Variants in TBC1D5 observed in about 807,000 individuals in gnomAD.
TBC1D5 encodes TBC1 domain family, member 5.
A neutral mutation model predicts 100.3 loss-of-function variants in TBC1D5; 75 were observed. That is an observed-to-expected ratio of 0.75 (90% CI 0.62 to 0.91). The LOEUF is 0.91. Among genes scored for constraint, TBC1D5 ranks in the 40% least tolerant of loss-of-function variants. TBC1D5 has a pLI of 0.00. For missense variants in TBC1D5, 910 were observed against 942.4 expected, an observed-to-expected ratio of 0.97 and a Z score of 0.45; for synonymous variants, 323 against 325.6, an observed-to-expected ratio of 0.99 and a Z score of 0.09.
intron 1 of TBC1D5, among the ~76,000 whole-genome samples, chr3:17,653,271 A>T (rs992576690): frequency 2.0e-5 from 3 of 152,116 alleles, no homozygotes; most frequent in Non-Finnish European, 2.9e-5. Flanking sequence ...ACTTGATTTT[A>T]TGTTATATGA....
At chr3:17,591,815 C>T (rs1328271661) in intron 2 of TBC1D5, among the ~76,000 whole-genome samples, 1 of 152,118 alleles carries the variant, frequency 6.6e-6, no homozygotes, top group Non-Finnish European at 1.5e-5. Flanking sequence ...AAATAGTAAA[C>T]AAAAATAATA....
chr3:17,270,119 G>C (rs971129465), intron 15 of TBC1D5, among the ~76,000 whole-genome samples: 18 of 152,060 alleles, frequency 1.2e-4, no homozygotes, highest in Non-Finnish European at 2.1e-4. Context: ...TCAACAATGT[G>C]TAAGAGTTCC....
At chr3:17,429,635 A>G (rs1465570281) in intron 3 of TBC1D5, among the ~76,000 whole-genome samples, 2 of 151,966 alleles carry the variant, frequency 1.3e-5, no homozygotes, top group Non-Finnish European at 2.9e-5. Context: ...CTTTCACTTT[A>G]AAGATGAGAT....
intron 18 of TBC1D5, among the ~76,000 whole-genome samples, chr3:17,213,243 T>C (rs184793598): frequency 1.3e-5 from 2 of 152,338 alleles, no homozygotes; most frequent in African/African-American, 4.8e-5. Flanking sequence ...ACAGCTTAGA[T>C]GTGTAGTAGG....
chr3:17,380,039 C>CTGTGTGTGTGTGTGTG (rs1442340088), intron 9 of TBC1D5, among the ~76,000 whole-genome samples: 4 of 100,132 alleles, frequency 4.0e-5, no homozygotes, highest in South Asian at 4.3e-4. Context: ...ACAGCTGTGA[C>CTGTGTGTGTGTGTGTG]TGTGTATGTG....
At chr3:17,591,272 A>AAAAAC (rs2096769889) in intron 2 of TBC1D5, among the ~76,000 whole-genome samples, 4 of 143,830 alleles carry the variant, frequency 2.8e-5, no homozygotes, top group East Asian at 2.0e-4. Context: ...AAAAACAAAA[A>AAAAAC]CCCCAGAGAA....
At chr3:17,620,917 T>A (rs1378878732) in intron 2 of TBC1D5, among the ~76,000 whole-genome samples, 1 of 152,202 alleles carries the variant, frequency 6.6e-6, no homozygotes, top group Non-Finnish European at 1.5e-5. Flanking sequence ...AGTATTTGGT[T>A]ACATACCCAC....
chr3:17,407,003 T>G (rs769595379), intron 4 of TBC1D5, among the ~76,000 whole-genome samples: 15 of 152,164 alleles, frequency 9.9e-5, no homozygotes, highest in Non-Finnish European at 2.1e-4. Flanking sequence ...CTACTTTAAC[T>G]GTTAGTGCTG....
At chr3:17,323,262 C>A (rs1282386565) in intron 13 of TBC1D5, among the ~76,000 whole-genome samples, 2 of 152,190 alleles carry the variant, frequency 1.3e-5, no homozygotes, top group Non-Finnish European at 2.9e-5. Flanking sequence ...AGACTCATAT[C>A]GTGAGGCCAG....
intron 1 of TBC1D5, among the ~76,000 whole-genome samples, chr3:17,693,371 T>C (rs2071465334): frequency 6.6e-6 from 1 of 152,030 alleles, no homozygotes; most frequent in South Asian, 2.1e-4. Flanking sequence ...AACGTAACAC[T>C]CCCACCCAAA....
At chr3:17,221,200 G>A (rs539875093) in intron 17 of TBC1D5, among the ~76,000 whole-genome samples, 217 of 114,272 alleles carry the variant, frequency 1.9e-3, no homozygotes, top group African/African-American at 8.5e-3. Context: ...CTTTGCAGGT[G>A]TGATAAGGTT....
intron 13 of TBC1D5, among the ~76,000 whole-genome samples, chr3:17,368,495 G>T (rs2092293912): frequency 6.6e-6 from 1 of 151,822 alleles, no homozygotes; most frequent in Non-Finnish European, 1.5e-5. Flanking sequence ...TAAAAATTTT[G>T]ACTAAAAGTA....
At chr3:17,666,592 A>G (rs2067278391) in intron 1 of TBC1D5, among the ~76,000 whole-genome samples, 5 of 152,164 alleles carry the variant, frequency 3.3e-5, no homozygotes, top group Admixed American at 3.3e-4. Context: ...AGACTTGAAA[A>G]GTCTGAACAT....
At chr3:17,399,007 G>C (rs1399402150) in intron 8 of TBC1D5, among the ~76,000 whole-genome samples, 1 of 152,104 alleles carries the variant, frequency 6.6e-6, no homozygotes, top group Non-Finnish European at 1.5e-5. Flanking sequence ...ATGAACTCAG[G>C]CCTTGAATGG....
chr3:17,499,098 C>T (rs1254925233), intron 3 of TBC1D5, among the ~76,000 whole-genome samples: 3 of 152,136 alleles, frequency 2.0e-5, no homozygotes, highest in African/African-American at 4.8e-5. Context: ...TCCTCTTATC[C>T]TCCCTTGGAT....
chr3:17,680,873 C>G (rs976241092), intron 1 of TBC1D5, among the ~76,000 whole-genome samples: 2 of 151,220 alleles, frequency 1.3e-5, no homozygotes, highest in African/African-American at 4.9e-5. Context: ...TTAATTAGTC[C>G]AGAATTCAAA....
At chr3:17,381,809 A>G (rs1272919382) in intron 9 of TBC1D5, among the ~76,000 whole-genome samples, 1 of 151,966 alleles carries the variant, frequency 6.6e-6, no homozygotes, top group African/African-American at 2.4e-5. Flanking sequence ...ATTTTTATAT[A>G]CTTTAAGTTT....
chr3:17,593,835 A>T (rs1340375426), intron 2 of TBC1D5, among the ~76,000 whole-genome samples: 6 of 152,204 alleles, frequency 3.9e-5, no homozygotes, highest in Non-Finnish European at 7.3e-5. Flanking sequence ...CTAGGTGACA[A>T]TACTTTGCAA....
chr3:17,602,796 C>T (rs535107462), intron 2 of TBC1D5, among the ~76,000 whole-genome samples: 6 of 151,948 alleles, frequency 3.9e-5, no homozygotes, highest in Non-Finnish European at 8.8e-5. Flanking sequence ...AGGATGGTCT[C>T]GATCTCCTGA....
Sources: gnomAD v4.1 joint callset for allele counts (sites outside exome capture counted in the v4.1 genomes callset) on GRCh38, gnomAD v4.1.1 for gene constraint, MANE v1.5 for transcripts, NCBI Gene and HGNC (gene_info 2026-07-23, HGNC 2026-07-21) for gene names.